Variants in BTD observed in about 807,000 individuals in gnomAD.
BTD encodes biocytinase.
A neutral mutation model predicts 17.7 loss-of-function variants in BTD; 13 were observed. The observed-to-expected ratio is 0.74, with a 90% CI of 0.48 to 1.17. The LOEUF is 1.17. BTD is among the 50% of genes most tolerant of loss of function. BTD has a pLI of 0.00. For synonymous variants in BTD, 240 were observed against 245.2 expected, an observed-to-expected ratio of 0.98 and a Z score of 0.20; for missense variants, 674 against 650.4, an observed-to-expected ratio of 1.04 and a Z score of -0.39.
At chr3:15,676,422 T>G (rs547081978) in intron 3 of BTD, among the ~76,000 whole-genome samples, 46 of 152,340 alleles carry the variant, frequency 3.0e-4, no homozygotes, top group African/African-American at 1.1e-3. Context: ...TGACTAATTT[T>G]TGGACCTTCA....
At position 15,651,223 on chromosome 3, in the gene BTD, G is replaced by A. The variant is rs187055334; in HGVS notation, c.*5735G>A. Among the ~76,000 whole-genome samples the A allele has an allele frequency of 2.0e-5, 3 of 152,310 alleles. No individual in the cohort carries two copies. Among genetic ancestry groups the A allele is most frequent in the East Asian group, 1.9e-4 (1 of 5,184 alleles). ...ACAGCGTTACCAGGGGAAGGGGAGT[G>A]GGATATAGTTGGGCCAAAACAGTAA... On this transcript the variant is annotated 3_prime_UTR_variant, in exon 4 of 4. Coordinates refer to ENST00000643237, the MANE Select transcript of BTD (RefSeq NM_001370658.1).
downstream of BTD, chr3:15,713,403 T>A: frequency 1.4e-6 from 1 of 691,762 alleles, no homozygotes. Context: ...CAAAAGAAAG[T>A]TCAAGCAATT....
intron 3 of BTD, chr3:15,679,232 A>AT: frequency 6.9e-7 from 1 of 1,451,702 alleles, no homozygotes; most frequent in Non-Finnish European, 9.7e-7. Flanking sequence ...AGCCTCCCAG[A>AT]TTGTTAGGAT....
At chr3:15,701,648 A>G (rs529678789) in intron 3 of BTD, among the ~76,000 whole-genome samples, 1 of 144,410 alleles carries the variant, frequency 6.9e-6, no homozygotes, top group Admixed American at 6.7e-5. Flanking sequence ...CCGTCTCAAA[A>G]AATAAATAAA....
intron 3 of BTD, chr3:15,667,152 T>C (rs538518747): frequency 9.9e-5 from 15 of 152,252 alleles, no homozygotes; most frequent in African/African-American, 3.6e-4. Flanking sequence ...ATTTTTTTAT[T>C]AGAAAAGGAA....
chr3:15,691,151 T>C (rs1575169395), intron 3 of BTD, among the ~76,000 whole-genome samples: 1 of 145,766 alleles, frequency 6.9e-6, no homozygotes, highest in Non-Finnish European at 1.5e-5. Flanking sequence ...TGAGACGGAG[T>C]CTCACTCTGT....
At chr3:15,673,020 C>G (rs1004124466) in intron 3 of BTD, among the ~76,000 whole-genome samples, 18 of 86 alleles carry the variant, frequency 0.21, no homozygotes, top group African/African-American at 0.38. Flanking sequence ...AGGTGATCCA[C>G]TCGCCTTGTG....
chr3:15,694,124 A>T (rs1242835485), intron 3 of BTD, among the ~76,000 whole-genome samples: 1 of 152,114 alleles, frequency 6.6e-6, no homozygotes, highest in Non-Finnish European at 1.5e-5. Context: ...CTAGATTAGG[A>T]TCTACTTGAA....
At position 15,673,338 on chromosome 3, in the gene BTD, A is replaced by G. The variant is rs188482187; in HGVS notation, c.399+31281A>G. Among the ~76,000 whole-genome samples the G allele has an allele frequency of 2.5e-3, 378 of 152,330 alleles. 2 individuals are homozygous for G. The highest frequency in any genetic ancestry group is 8.3e-3 in the African/African-American group (344 of 41,572). On this transcript the variant is annotated intron_variant, in intron 3 of 3. Transcript: ENST00000672141. ...TAGACTATGTCTTATTTTACACTATATCATCAGAAGTTAGTACAGTGCTTG... is the reference window on the plus strand; with the variant it reads ...TAGACTATGTCTTATTTTACACTATGTCATCAGAAGTTAGTACAGTGCTTG...
intron 1 of BTD, among the ~76,000 whole-genome samples, chr3:15,620,540 C>G (rs1210016288): frequency 6.6e-6 from 1 of 152,074 alleles, no homozygotes; most frequent in Non-Finnish European, 1.5e-5. Context: ...TTTCAAGGTG[C>G]ACTGATTTCA....
rs1179014520 is a variant in BTD, at chr3:15,647,461, G to A, written c.*1973G>A. 1 of 152,174 alleles carries A rather than the reference G, an allele frequency of 6.6e-6. No homozygotes were observed. Among genetic ancestry groups the A allele is most frequent in the Non-Finnish European group, 1.5e-5 (1 of 68,040 alleles). 9.4% of individuals were successfully genotyped at this position (152,174 alleles called of 1,614,324 possible). A position where few individuals can be genotyped will look rare whatever the true frequency, so the allele number is the denominator to read the frequency against. On this transcript the variant is annotated 3_prime_UTR_variant, in exon 4 of 4. Transcript: ENST00000643237. ...TCTGCCCTTCTGGGCAGAGCACCAC[G>A]AACTTTCCCTGAGTTATTTTCTACC...
At chr3:15,607,347 A>T (rs1456042466) in intron 1 of BTD, among the ~76,000 whole-genome samples, 1 of 152,150 alleles carries the variant, frequency 6.6e-6, no homozygotes, top group Non-Finnish European at 1.5e-5. Flanking sequence ...CATACCAATT[A>T]CTCTATTTGT....
chr3:15,626,217 A>G (rs1162523668), intron 1 of BTD, among the ~76,000 whole-genome samples: 1 of 152,084 alleles, frequency 6.6e-6, no homozygotes, highest in Admixed American at 6.6e-5. Flanking sequence ...CACCACCACC[A>G]CTATTTTGAG....
chr3:15,672,779 T>C (rs2066507806), intron 3 of BTD, among the ~76,000 whole-genome samples: 1 of 152,112 alleles, frequency 6.6e-6, no homozygotes, highest in Non-Finnish European at 1.5e-5. Context: ...CTCCTCTGCA[T>C]GGGGGTTATT....
intron 1 of BTD, among the ~76,000 whole-genome samples, chr3:15,616,129 G>T (rs980468443): frequency 6.6e-6 from 1 of 151,964 alleles, no homozygotes; most frequent in Non-Finnish European, 1.5e-5. Flanking sequence ...CAGTTTTTTT[G>T]GAGACATAAG....
At position 15,635,478 on chromosome 3, in the gene BTD, C is replaced by T. The variant is rs201564216; in HGVS notation, c.39C>T (p.Cys13=). 109 of 1,614,208 alleles carry T rather than the reference C, an allele frequency of 6.8e-5. 1 individual carries two copies. Among genetic ancestry groups the T allele is most frequent in the East Asian group, 6.2e-4 (28 of 44,888 alleles). ...GAAGTAAGCTTGCTCTTTTCCTCTG[C>T]GGCTGTTACGTGGTTGCCCTGGGAG... The part of the protein sequence containing the change: ...GARSKLALFL[C]GCYVVALGAH... Residue 13 remains cysteine (C), a synonymous_variant, in exon 2 of 4, where the codon TGC becomes TGT. Coordinates refer to ENST00000643237, the MANE Select transcript of BTD (RefSeq NM_001370658.1). This position sits in a 1 kb window ranked among gnomAD's most constrained non-coding sequence, Gnocchi z 4.1.
chr3:15,627,177 G>A (rs1044604947), intron 1 of BTD, among the ~76,000 whole-genome samples: 10 of 152,102 alleles, frequency 6.6e-5, no homozygotes, highest in African/African-American at 2.4e-4. Flanking sequence ...CCGGCTCACC[G>A]TGCTTCCCAC....
At chr3:15,704,233 A>G (rs2071036633) in intron 3 of BTD, among the ~76,000 whole-genome samples, 1 of 152,120 alleles carries the variant, frequency 6.6e-6, no homozygotes, top group Admixed American at 6.5e-5. Context: ...GACTTGCTGA[A>G]TGACTGTCTA....
chr3:15,637,004 T>C (rs1329035534), intron 2 of BTD, among the ~76,000 whole-genome samples: 1 of 152,112 alleles, frequency 6.6e-6, no homozygotes, highest in Non-Finnish European at 1.5e-5. Flanking sequence ...TGAACAGGTC[T>C]TCCTTTCAAT....
Sources: gnomAD v4.1 joint callset for allele counts (sites outside exome capture counted in the v4.1 genomes callset) on GRCh38, gnomAD v4.1.1 for gene constraint, Gnocchi (gnomAD v3.1) non-coding constraint, MANE v1.5 for transcripts, NCBI Gene and HGNC (gene_info 2026-07-23, HGNC 2026-07-21) for gene names.